Variants in ZMAT4 observed in about 807,000 individuals in gnomAD.
The protein encoded by ZMAT4 is zinc finger matrin-type 4, also known as zinc finger matrin-type protein 4.
A neutral mutation model predicts 28.7 loss-of-function variants in ZMAT4; 17 were observed. The ratio of observed to expected loss-of-function variants is 0.59; its 90% CI spans 0.41 to 0.89. ZMAT4 has a LOEUF of 0.89. Among genes scored for constraint, ZMAT4 ranks in the 40% least tolerant of loss-of-function variants. The pLI is 0.00. For missense variants in ZMAT4, 240 were observed against 283.8 expected (o/e 0.85, Z 1.11); for synonymous variants, 117 against 109.2 (o/e 1.07, Z -0.44).
At chr8:40,763,260 G>A (rs539536535) in intron 3 of ZMAT4, among the ~76,000 whole-genome samples, 4 of 152,274 alleles carry the variant, frequency 2.6e-5, no homozygotes, top group Middle Eastern at 3.4e-3. Context: ...ATCGTCTTAC[G>A]ATGGGATGTT....
chr8:40,641,834 G>T (rs1017273369), intron 5 of ZMAT4, among the ~76,000 whole-genome samples: 1 of 152,060 alleles, frequency 6.6e-6, no homozygotes, highest in African/African-American at 2.4e-5. Flanking sequence ...TTAGTCAAAG[G>T]ATATAAGGTT....
chr8:40,876,513 G>A (rs563970335), intron 1 of ZMAT4, among the ~76,000 whole-genome samples: 2 of 151,780 alleles, frequency 1.3e-5, no homozygotes, highest in Admixed American at 6.6e-5. Flanking sequence ...ATGAGGTCTC[G>A]CTGTGTTGCT....
chr8:40,567,863 T>C (rs1262646245), intron 6 of ZMAT4, among the ~76,000 whole-genome samples: 2 of 152,172 alleles, frequency 1.3e-5, no homozygotes, highest in Admixed American at 6.5e-5. Context: ...CTGGAAAATA[T>C]AGCATTTATC....
At chr8:40,549,654 A>G (rs1473429371) in intron 6 of ZMAT4, among the ~76,000 whole-genome samples, 1 of 151,762 alleles carries the variant, frequency 6.6e-6, no homozygotes, top group East Asian at 1.9e-4. Flanking sequence ...TTCCACTGTC[A>G]CTGCTATAGT....
At chr8:40,578,461 C>A (rs565836319) in intron 6 of ZMAT4, among the ~76,000 whole-genome samples, 1 of 151,868 alleles carries the variant, frequency 6.6e-6, no homozygotes, top group South Asian at 2.1e-4. Context: ...AAATAGCACT[C>A]AAAAAAATTT....
rs1166533189 is a variant in ZMAT4 at position 40,877,843 on chromosome 8, G to A, written c.-5+19840C>T. Among the ~76,000 whole-genome samples, 3 of 152,186 alleles carry A rather than the reference G, an allele frequency of 2.0e-5. No homozygotes were observed. In the East Asian group the frequency reaches 5.8e-4, roughly 29 times the overall value. ...GCTGCTGTTTGGAACTATTTATAGA[G>A]CTGGCCACGGTCATGTCAGATCTTT... On this transcript the variant is annotated intron_variant, in intron 1 of 6. Coordinates refer to ENST00000297737, the MANE Select transcript of ZMAT4 (RefSeq NM_024645.3).
At chr8:40,697,650 G>C (rs1809955662) in intron 3 of ZMAT4, among the ~76,000 whole-genome samples, 1 of 152,010 alleles carries the variant, frequency 6.6e-6, no homozygotes, top group South Asian at 2.1e-4. Context: ...ATGGTGGTTT[G>C]CTGCACCCAC....
intron 2 of ZMAT4, among the ~76,000 whole-genome samples, chr8:40,791,143 T>C (rs1003704330): frequency 1.3e-5 from 2 of 152,208 alleles, no homozygotes; most frequent in African/African-American, 4.8e-5. Context: ...AGATGGATTA[T>C]AAATCTAACT....
chr8:40,817,374 G>A (rs958719892), intron 2 of ZMAT4, among the ~76,000 whole-genome samples: 1 of 152,108 alleles, frequency 6.6e-6, no homozygotes, highest in Admixed American at 6.5e-5. Context: ...TTCTGATGTG[G>A]CCAGGAGAAT....
chr8:40,700,701 G>C (rs948168001), intron 3 of ZMAT4, among the ~76,000 whole-genome samples: 1 of 152,068 alleles, frequency 6.6e-6, no homozygotes, highest in African/African-American at 2.4e-5. Context: ...TGGGATTGTA[G>C]GAGTGAGCCA....
Position 40,838,049 on chromosome 8 carries a change from G to A in ZMAT4, c.-4-12369C>T, listed in dbSNP as rs949582451. On this transcript the variant is annotated intron_variant, in intron 1 of 6. Coordinates refer to ENST00000297737, the MANE Select transcript of ZMAT4 (RefSeq NM_024645.3). ...AGGTAATGATCAAGTGCCACACATCGAAGTCGCAGGGTCTTGTCACCTCGC... is the reference window on the plus strand; with the variant it reads ...AGGTAATGATCAAGTGCCACACATCAAAGTCGCAGGGTCTTGTCACCTCGC... 3.9e-5 allele frequency among the ~76,000 whole-genome samples: 6 copies of A among 152,340 alleles called. No individual in the cohort carries two copies. In the South Asian group the frequency reaches 6.2e-4, roughly 16 times the overall value.
intron 6 of ZMAT4, among the ~76,000 whole-genome samples, chr8:40,557,731 T>C (rs1324044948): frequency 6.6e-6 from 1 of 152,162 alleles, no homozygotes; most frequent in Non-Finnish European, 1.5e-5. Flanking sequence ...GTGCCTGCCC[T>C]CTGTGTGCTG....
At chr8:40,864,700 G>A (rs1453657435) in intron 1 of ZMAT4, among the ~76,000 whole-genome samples, 1 of 152,102 alleles carries the variant, frequency 6.6e-6, no homozygotes, top group Admixed American at 6.5e-5. Flanking sequence ...CCCAGTGACT[G>A]GTATTTTTAT....
chr8:40,550,362 T>G (rs1241560172), intron 6 of ZMAT4, among the ~76,000 whole-genome samples: 3 of 152,176 alleles, frequency 2.0e-5, no homozygotes, highest in Non-Finnish European at 4.4e-5. Flanking sequence ...CCTAGATCCT[T>G]CCACATTTCT....
intron 1 of ZMAT4, among the ~76,000 whole-genome samples, chr8:40,886,091 C>A (rs1030183737): frequency 7.9e-5 from 12 of 152,240 alleles, no homozygotes; most frequent in Non-Finnish European, 1.6e-4. Flanking sequence ...AAGCTCATAT[C>A]TCCTATTAAG....
intron 1 of ZMAT4, among the ~76,000 whole-genome samples, chr8:40,867,462 A>C (rs1817716587): frequency 6.6e-6 from 1 of 152,110 alleles, no homozygotes; most frequent in Non-Finnish European, 1.5e-5. Flanking sequence ...GTTTTCTCAG[A>C]GTAAAAGCCA....
chr8:40,603,215 G>A (rs1805458602), intron 5 of ZMAT4, among the ~76,000 whole-genome samples: 2 of 152,044 alleles, frequency 1.3e-5, no homozygotes, highest in South Asian at 2.1e-4. Context: ...GTTTGCTTTG[G>A]CAAAGATCAG....
intron 4 of ZMAT4, among the ~76,000 whole-genome samples, chr8:40,683,892 C>A (rs1432589956): frequency 6.6e-6 from 1 of 151,948 alleles, no homozygotes; most frequent in East Asian, 1.9e-4. Flanking sequence ...TGGCAAAACC[C>A]AGTCTCTACA....
intron 5 of ZMAT4, among the ~76,000 whole-genome samples, chr8:40,619,864 C>G (rs1806135988): frequency 6.6e-6 from 1 of 152,066 alleles, no homozygotes; most frequent in African/African-American, 2.4e-5. Flanking sequence ...CCATAAAGAG[C>G]CAAAATGCAT....
Sources: allele counts gnomAD v4.1 joint callset (sites outside exome capture counted in the v4.1 genomes callset), GRCh38; gene constraint gnomAD v4.1.1; transcripts MANE v1.5; gene names NCBI Gene and HGNC (gene_info 2026-07-23, HGNC 2026-07-21).